PTPRA: variants seen among roughly 807,000 people sequenced by gnomAD.
PTPRA encodes receptor-type tyrosine-protein phosphatase alpha.
In PTPRA, 25 loss-of-function variants were observed where a neutral mutation model predicts 104.8. That is an observed-to-expected ratio of 0.24 (90% CI 0.17 to 0.33). The LOEUF is 0.33. Among genes scored for constraint, PTPRA ranks in the 10% least tolerant of loss-of-function variants. The probability of loss-of-function intolerance (pLI) is 1.00; values close to 1 mark genes in which losing one functional copy is unlikely to be tolerated. For synonymous variants in PTPRA, 323 were observed against 368.9 expected (o/e 0.88, Z 1.43); for missense variants, 765 against 1,015.3 (o/e 0.75, Z 3.35).
chr20:2,964,528 A>G (rs1409206835), intron 4 of PTPRA, among the ~76,000 whole-genome samples, 178 bp downstream of exon 4: 1 of 152,262 alleles, frequency 6.6e-6, no homozygotes, highest in Non-Finnish European at 1.5e-5. Flanking sequence ...ATTGTTTTTC[A>G]TACATACATA....
At chr20:3,008,363 G>A (rs1191420588) in intron 11 of PTPRA, among the ~76,000 whole-genome samples, 1 of 152,176 alleles carries the variant, frequency 6.6e-6, no homozygotes, top group Non-Finnish European at 1.5e-5. Flanking sequence ...AAATAAGCCA[G>A]TCACAAAAGG....
At chr20:2,932,572 T>G (rs1450431468) in intron 2 of PTPRA, among the ~76,000 whole-genome samples, 2 of 152,204 alleles carry the variant, frequency 1.3e-5, no homozygotes, top group Admixed American at 1.3e-4. Context: ...TGAGGGAATC[T>G]CTTCCTCTAG....
At chr20:3,004,086 T>C (rs955875874) in intron 9 of PTPRA, among the ~76,000 whole-genome samples, 9 of 152,174 alleles carry the variant, frequency 5.9e-5, no homozygotes, top group Admixed American at 3.9e-4. Flanking sequence ...GGCGTGATCT[T>C]GGCTCACTGC....
chr20:2,934,215 C>T (rs927760349), intron 2 of PTPRA, among the ~76,000 whole-genome samples: 7 of 151,996 alleles, frequency 4.6e-5, no homozygotes, highest in African/African-American at 7.3e-5. Context: ...GGTGATTGTC[C>T]CACCTCAGCC....
At chr20:3,016,015 GAATT>G in intron 12 of PTPRA, 130 bp downstream of exon 12, 1 of 871,280 alleles carries the variant, frequency 1.1e-6, no homozygotes, top group East Asian at 2.7e-5. Flanking sequence ...CCACCTGAAA[GAATT>G]ATAATCCATT....
intron 2 of PTPRA, among the ~76,000 whole-genome samples, chr20:2,932,798 A>G (rs2060555513): frequency 6.6e-6 from 1 of 152,236 alleles, no homozygotes; most frequent in Non-Finnish European, 1.5e-5. Flanking sequence ...TGGTAAGTAT[A>G]ATCCAGGAAT....
At chr20:3,017,771 C>A in intron 12 of PTPRA, 45 bp from the exon 13 acceptor site, 1 of 1,541,816 alleles carries the variant, frequency 6.5e-7, no homozygotes, top group South Asian at 1.1e-5. Context: ...CAGCATCTTT[C>A]TTCTTGGTGT....
intron 13 of PTPRA, among the ~76,000 whole-genome samples, chr20:3,019,454 G>C (rs1263593217): frequency 6.6e-6 from 1 of 151,060 alleles, no homozygotes; most frequent in Admixed American, 6.6e-5. Context: ...GCCAGGCAGA[G>C]ATGCTCCTCA....
intron 1 of PTPRA, among the ~76,000 whole-genome samples, chr20:2,888,803 T>G (rs2058692560): frequency 1.3e-5 from 2 of 152,166 alleles, no homozygotes; most frequent in South Asian, 4.1e-4. Flanking sequence ...TCATAAAATG[T>G]AAGTTACTTA....
chr20:2,933,660 G>A (rs1031510678), intron 2 of PTPRA, among the ~76,000 whole-genome samples: 38 of 151,882 alleles, frequency 2.5e-4, no homozygotes, highest in Non-Finnish European at 1.0e-4. Context: ...GGGGTTTCAC[G>A]ATGTTGGCTA....
At chr20:2,911,505 G>A (rs1481567389) in intron 1 of PTPRA, among the ~76,000 whole-genome samples, 1 of 152,108 alleles carries the variant, frequency 6.6e-6, no homozygotes, top group Non-Finnish European at 1.5e-5. Context: ...CATTAAACTA[G>A]TCTTTGACTT....
intron 5 of PTPRA, among the ~76,000 whole-genome samples, chr20:2,970,012 A>G (rs906744253): frequency 2.2e-5 from 3 of 134,030 alleles, no homozygotes; most frequent in African/African-American, 8.7e-5. Context: ...TTACAAAAGC[A>G]TATATATTCA....
intron 1 of PTPRA, among the ~76,000 whole-genome samples, chr20:2,908,325 A>G (rs1568648215): frequency 6.6e-6 from 1 of 152,200 alleles, no homozygotes; most frequent in Admixed American, 6.5e-5. Context: ...GTCCAATTAT[A>G]TGAGAATTTT....
intron 1 of PTPRA, among the ~76,000 whole-genome samples, chr20:2,887,629 T>C (rs2090457099): frequency 6.6e-6 from 1 of 152,216 alleles, no homozygotes; most frequent in Non-Finnish European, 1.5e-5. Context: ...GTGCAAGTAG[T>C]TCTTAAATAT....
Position 3,022,827 on chromosome 20 carries a change from G to T in PTPRA, c.1464+3G>T. 6.2e-7 allele frequency: 1 copy of T among 1,614,182 alleles called. No homozygotes were observed. Among genetic ancestry groups the T allele is most frequent in the South Asian group, 1.1e-5 (1 of 91,068 alleles). On this transcript the variant is annotated splice_donor_region_variant and intron_variant, in intron 16 of 23. Transcript: ENST00000399903. The surrounding 1 kb of genome is among the most constrained non-coding windows in gnomAD (Gnocchi z 4.6). ...GCTGCCAGATGGTGCAAACCGATGT[G>T]AGTGATCTGTGGGTCAGGTGAGGGT...
chr20:2,933,459 G>T (rs6084204), intron 2 of PTPRA, among the ~76,000 whole-genome samples: 51,814 of 150,556 alleles, frequency 0.34, 10,176 homozygotes, highest in East Asian at 0.66. Flanking sequence ...TGGTTGGTTG[G>T]TTGGTTGGGT....
At chr20:2,925,591 A>C (rs2060264613) in intron 2 of PTPRA, among the ~76,000 whole-genome samples, 1 of 152,196 alleles carries the variant, frequency 6.6e-6, no homozygotes, top group Admixed American at 6.5e-5. Context: ...AGGCAGGCGG[A>C]TCACTTGAGG....
Position 3,022,696 on chromosome 20 carries a change from G to A in PTPRA, c.1336G>A (p.Val446Ile). 6.2e-7 allele frequency: 1 copy of A among 1,614,220 alleles called. No homozygotes were observed. Among genetic ancestry groups the A allele is most frequent in the Non-Finnish European group, 8.5e-7 (1 of 1,180,038 alleles). Residue 446 changes from valine to isoleucine, a missense_variant, in exon 16 of 24, where the codon GTA becomes ATA. By Grantham distance (29) the Val-to-Ile change is conservative (BLOSUM62 3). This residue lies in a region of PTPRA where 245 missense variants were observed against 398.7 expected (regional missense o/e 0.61). Transcript: ENST00000399903. The surrounding 1 kb of genome is among the most constrained non-coding windows in gnomAD (Gnocchi z 4.6). ...GAIVVHCSAGVGRTGTFVVID... is the reference protein window; with the variant it reads ...GAIVVHCSAGIGRTGTFVVID... ...CCTGCTCTCTGGCTACAGTGCAGGT[G>A]TAGGGCGTACAGGTACCTTTGTCGT...
chr20:3,026,271 G>A (rs886172860), intron 17 of PTPRA, among the ~76,000 whole-genome samples: 1 of 152,042 alleles, frequency 6.6e-6, no homozygotes, highest in Admixed American at 6.6e-5. Context: ...TGAAGCCAAC[G>A]CTGCTGGTGT....
Sources: allele counts gnomAD v4.1 joint callset (sites outside exome capture counted in the v4.1 genomes callset), GRCh38; gene constraint gnomAD v4.1.1; regional missense constraint gnomAD v4.1.1; non-coding constraint Gnocchi (gnomAD v3.1); transcripts MANE v1.5; gene names NCBI Gene and HGNC (gene_info 2026-07-23, HGNC 2026-07-21).